Variants in MTCL1 observed in about 807,000 individuals in gnomAD.
MTCL1 encodes microtubule cross-linking factor 1.
A neutral mutation model predicts 141.4 loss-of-function variants in MTCL1; 79 were observed. That is an observed-to-expected ratio of 0.56 (90% CI 0.47 to 0.67). The LOEUF is 0.67. MTCL1 is among the 30% of genes least tolerant of loss of function. MTCL1 has a pLI of 0.00. For synonymous variants in MTCL1, 914 were observed against 875.8 expected, an observed-to-expected ratio of 1.04 and a Z score of -0.77; for missense variants, 2,177 against 2,113.9, an observed-to-expected ratio of 1.03 and a Z score of -0.59.
At chr18:8,812,380 G>C (rs2076517614) in intron 11 of MTCL1, among the ~76,000 whole-genome samples, 1 of 152,026 alleles carries the variant, frequency 6.6e-6, no homozygotes. Flanking sequence ...TCTAGGTTGA[G>C]ATCTTTTTTC....
Position 8,784,248 on chromosome 18 carries a change from C to T in MTCL1, c.1136C>T (p.Ala379Val), listed in dbSNP as rs746035252. 21 of 1,605,990 alleles carry T rather than the reference C, an allele frequency of 1.3e-5. No homozygotes were observed. The highest frequency in any genetic ancestry group is 3.3e-5 in the Admixed American group (2 of 59,782). ...CTGGCAGCCCACCTGGGGCTGCGTG[C>T]CCCCAGTCCCCGGGACAGCGATGCC... is the stretch of plus-strand genomic sequence containing the variant. Residue 379 changes from alanine (A) to valine (V), a missense_variant, in exon 6 of 17, where the codon GCC (alanine) becomes GTC (valine). Ala to Val is a moderately conservative substitution (Grantham distance 64, BLOSUM62 0). Coordinates refer to ENST00000359865, the Ensembl canonical transcript of MTCL1.
intron 3 of MTCL1, chr18:8,720,091 A>G: frequency 2.5e-6 from 1 of 395,120 alleles, no homozygotes; most frequent in Non-Finnish European, 4.5e-6. Context: ...TAGTGACACT[A>G]AGGTTAGCAC....
chr18:8,824,094 C>T (rs1382553431), intron 14 of MTCL1, among the ~76,000 whole-genome samples: 2 of 152,200 alleles, frequency 1.3e-5, no homozygotes, highest in Non-Finnish European at 2.9e-5. Flanking sequence ...ACAGGCAGCC[C>T]CAGCCCCGTT....
At chr18:8,739,379 C>T (rs987861386) in intron 4 of MTCL1, among the ~76,000 whole-genome samples, 2 of 152,190 alleles carry the variant, frequency 1.3e-5, no homozygotes, top group Non-Finnish European at 2.9e-5. Context: ...CGTGCATGCG[C>T]GGTGGAAGAG....
intron 4 of MTCL1, among the ~76,000 whole-genome samples, chr18:8,732,790 A>G (rs777230709): frequency 1.9e-4 from 29 of 152,284 alleles, no homozygotes; most frequent in Admixed American, 4.6e-4. Flanking sequence ...CTGTTTGTAC[A>G]GGGTGGTTAT....
intron 12 of MTCL1, among the ~76,000 whole-genome samples, chr18:8,818,096 A>G (rs1380334442): frequency 6.6e-6 from 1 of 152,198 alleles, no homozygotes; most frequent in Non-Finnish European, 1.5e-5. Context: ...GAAAGGCATA[A>G]TGCCCTTATG....
intron 10 of MTCL1, chr18:8,801,570 T>C (rs1370916158): frequency 1.3e-5 from 2 of 152,192 alleles, no homozygotes; most frequent in African/African-American, 2.4e-5. Context: ...AATTCACATG[T>C]GCAGATGGGT....
At chr18:8,738,817 A>G (rs75371297) in intron 4 of MTCL1, among the ~76,000 whole-genome samples, 2,077 of 152,340 alleles carry the variant, frequency 0.014, 47 homozygotes, top group African/African-American at 0.048. Flanking sequence ...TCAACAGAGT[A>G]AGAAACCACA....
chr18:8,788,612 A>G (rs2075606588), intron 7 of MTCL1, among the ~76,000 whole-genome samples: 1 of 152,234 alleles, frequency 6.6e-6, no homozygotes, highest in Non-Finnish European at 1.5e-5. Flanking sequence ...GTAACGCTAA[A>G]GAGGAGAAAA....
chr18:8,815,298 AAGG>A (rs1438275596), intron 12 of MTCL1, among the ~76,000 whole-genome samples: 2 of 151,836 alleles, frequency 1.3e-5, no homozygotes, highest in African/African-American at 2.4e-5. Context: ...AGCCATAAAA[AAGG>A]ATGAGTTCAT....
intron 7 of MTCL1, among the ~76,000 whole-genome samples, chr18:8,788,309 T>C (rs1356893609): frequency 1.3e-5 from 2 of 152,176 alleles, no homozygotes; most frequent in South Asian, 2.1e-4. Flanking sequence ...ACCACGACTC[T>C]ACCTGTGTGG....
intron 4 of MTCL1, among the ~76,000 whole-genome samples, chr18:8,727,737 ACT>A (rs1301213844): frequency 3.3e-5 from 5 of 151,398 alleles, no homozygotes; most frequent in East Asian, 3.9e-4. Flanking sequence ...GGGATCTGAG[ACT>A]CTCTCTTTTT....
At chr18:8,805,769 A>G (rs562860791) in intron 10 of MTCL1, among the ~76,000 whole-genome samples, 5 of 152,316 alleles carry the variant, frequency 3.3e-5, no homozygotes, top group African/African-American at 7.2e-5. Context: ...TACATGCACC[A>G]AAAAAGAATG....
intron 4 of MTCL1, among the ~76,000 whole-genome samples, chr18:8,725,982 A>G (rs1375832698): frequency 6.6e-6 from 1 of 151,646 alleles, no homozygotes; most frequent in East Asian, 1.9e-4. Context: ...TAGTAGAGAC[A>G]GGGTTTCACC....
At chr18:8,794,932 A>G (rs1376182122) in intron 8 of MTCL1, among the ~76,000 whole-genome samples, 1 of 152,220 alleles carries the variant, frequency 6.6e-6, no homozygotes, top group African/African-American at 2.4e-5. Context: ...TGAAATGTTA[A>G]ATACACTTCC....
exon 1 of MTCL1, chr18:8,706,467 C>A (rs1164904338): frequency 7.9e-7 from 1 of 1,260,486 alleles, no homozygotes; most frequent in Non-Finnish European, 9.9e-7. Context: ...CCCCAGCGCT[C>A]CTCGCCGCGC....
exon 1 of MTCL1, chr18:8,706,324 G>A: frequency 8.1e-7 from 1 of 1,230,286 alleles, no homozygotes; most frequent in Non-Finnish European, 1.0e-6. Flanking sequence ...ACCCCTGTCC[G>A]ACGAGCAGCG....
exon 1 of MTCL1, chr18:8,706,420 C>G: frequency 8.1e-7 from 1 of 1,227,708 alleles, no homozygotes; most frequent in Non-Finnish European, 1.0e-6. Flanking sequence ...GACGCCGAGC[C>G]CCGCAGCCCG....
intron 7 of MTCL1, among the ~76,000 whole-genome samples, chr18:8,792,255 T>G (rs1358851363): frequency 6.6e-6 from 1 of 152,212 alleles, no homozygotes; most frequent in Non-Finnish European, 1.5e-5. Flanking sequence ...TGTTTCCATC[T>G]CTAAAAAGCA....
Sources: gnomAD v4.1 joint callset for allele counts (sites outside exome capture counted in the v4.1 genomes callset) on GRCh38, gnomAD v4.1.1 for gene constraint, MANE v1.5 for transcripts, NCBI Gene and HGNC (gene_info 2026-07-23, HGNC 2026-07-21) for gene names.